Variants in SP4 observed in about 807,000 individuals in gnomAD.
SP4 encodes transcription factor Sp4.
A neutral mutation model predicts 72.8 loss-of-function variants in SP4; 19 were observed. The ratio of observed to expected loss-of-function variants is 0.26; its 90% CI spans 0.18 to 0.38. The LOEUF (loss-of-function observed/expected upper bound fraction) is 0.38, where lower values mean the gene tolerates loss of function less well. Ranked by LOEUF, SP4 falls within the 10% of genes least tolerant of loss-of-function variation. The pLI is 1.00. For synonymous variants in SP4, 395 were observed against 333.1 expected (o/e 1.19, Z -2.02); for missense variants, 1,008 against 926.3 (o/e 1.09, Z -1.14).
chr7:21,476,266 T>TC (rs1272652528), intron 3 of SP4, among the ~76,000 whole-genome samples: 3 of 94,532 alleles, frequency 3.2e-5, no homozygotes, highest in African/African-American at 1.3e-4. Flanking sequence ...AGAGCAAGAC[T>TC]CCATCTCAAA....
At chr7:21,475,733 T>C (rs1374205808) in intron 3 of SP4, among the ~76,000 whole-genome samples, 15 of 152,188 alleles carry the variant, frequency 9.9e-5, no homozygotes, top group Non-Finnish European at 2.9e-5. Flanking sequence ...AAGTGACATA[T>C]TTTATTCTTG....
rs569278029 is a variant in SP4 at position 21,457,256 on chromosome 7, A to G, written c.1679-19823A>G. ...GATTTCCTTTTTCTTGCCAACTCTT[A>G]TACTTGGTCTAGCATGAGGCCCTGA... is the stretch of plus-strand genomic sequence containing the variant. On this transcript the variant is annotated intron_variant, in intron 3 of 5. Coordinates refer to ENST00000222584, the MANE Select transcript of SP4 (RefSeq NM_003112.5). Among the ~76,000 whole-genome samples the G allele has an allele frequency of 3.9e-5, 6 of 152,304 alleles. No individual in the cohort carries two copies. In the East Asian group the frequency reaches 1.2e-3, roughly 29 times the overall value.
chr7:21,502,085 G>A (rs908163355), intron 5 of SP4, among the ~76,000 whole-genome samples: 1 of 134,468 alleles, frequency 7.4e-6, no homozygotes, highest in African/African-American at 2.9e-5. Flanking sequence ...TATATATTGG[G>A]ATCAAAAGAT....
At chr7:21,497,698 G>A (rs1562626417) in intron 5 of SP4, among the ~76,000 whole-genome samples, 1 of 152,188 alleles carries the variant, frequency 6.6e-6, no homozygotes, top group Non-Finnish European at 1.5e-5. Context: ...TCCAGGAAAT[G>A]TCTAATTCAC....
chr7:21,428,199 C>CCCCCAAA lies in SP4; in HGVS notation c.-53_-52insCCCCAAA. ...TCTCCTCCCGCCTCGCCCCCACCCC[C>CCCCCAAA]ACCCACCTCTATCCCAGTGTCTCCG... is the stretch of plus-strand genomic sequence containing the variant. On this transcript the variant is annotated 5_prime_UTR_variant, in exon 1 of 6. Coordinates refer to ENST00000222584, the MANE Select transcript of SP4 (RefSeq NM_003112.5). The CCCCCAAA allele has an allele frequency of 8.9e-7, 1 of 1,119,140 alleles. No individual in the cohort carries two copies. Among genetic ancestry groups the CCCCCAAA allele is most frequent in the Non-Finnish European group, 1.3e-6 (1 of 767,810 alleles). 69.3% of individuals were successfully genotyped at this position (1,119,140 alleles called of 1,614,324 possible).
chr7:21,469,187 T>G (rs1784254976), intron 3 of SP4, among the ~76,000 whole-genome samples: 2 of 152,160 alleles, frequency 1.3e-5, no homozygotes, highest in South Asian at 4.1e-4. Context: ...TTAAAATAAT[T>G]TGTAATATTA....
chr7:21,505,851 T>C (rs1220739984), intron 5 of SP4, among the ~76,000 whole-genome samples: 1 of 152,140 alleles, frequency 6.6e-6, no homozygotes, highest in Non-Finnish European at 1.5e-5. Flanking sequence ...TTGGAGACCT[T>C]TTCTCCCTTC....
In SP4 at chr7:21,429,993, C is replaced by A; in HGVS notation, c.828C>A (p.Ala276=). 1 of 1,614,116 alleles carries A rather than the reference C, an allele frequency of 6.2e-7. No individual in the cohort carries two copies. Among genetic ancestry groups the A allele is most frequent in the Non-Finnish European group, 8.5e-7 (1 of 1,180,010 alleles). ...TGCCAGTGATAAACAACGTGGCTGCCGGAGGAGGGACTGGGCAGGTTGGCC... is the reference window on the plus strand; with the variant it reads ...TGCCAGTGATAAACAACGTGGCTGCAGGAGGAGGGACTGGGCAGGTTGGCC... ...LALPVINNVA[A]GGGTGQVGQP... is the part of the protein sequence containing the mutation. The change falls in exon 3 of 6, where the codon GCC becomes GCA. Residue 276 remains alanine (A), a synonymous_variant. Coordinates refer to ENST00000222584, the MANE Select transcript of SP4 (RefSeq NM_003112.5).
chr7:21,487,388 G>A (rs899179269), intron 5 of SP4, among the ~76,000 whole-genome samples: 3 of 143,620 alleles, frequency 2.1e-5, no homozygotes, highest in Admixed American at 7.0e-5. Flanking sequence ...GCTCTTAGTA[G>A]ACATATTTTG....
intron 3 of SP4, among the ~76,000 whole-genome samples, chr7:21,464,190 G>T (rs915845830): frequency 1.4e-5 from 2 of 142,266 alleles, no homozygotes; most frequent in African/African-American, 5.4e-5. Context: ...ATGGCCTCCC[G>T]GGTTCATGCC....
chr7:21,477,092 A>G lies in SP4; in HGVS notation c.1692A>G (p.Gly564=), dbSNP rs1219625115. 7.4e-6 allele frequency: 12 copies of G among 1,613,530 alleles called. No individual in the cohort carries two copies. Among genetic ancestry groups the G allele is most frequent in the East Asian group, 2.2e-5 (1 of 44,886 alleles). The change falls in exon 4 of 6, where the codon GGA becomes GGG. Residue 564 remains glycine, a synonymous_variant. Coordinates refer to ENST00000222584, the MANE Select transcript of SP4 (RefSeq NM_003112.5). ...TITSVAGQQQ[G]QDGVKVQQAT... ...CTTCCTTTTTAGGTCAGCAGCAAGG[A>G]CAAGATGGAGTAAAAGTCCAGCAAG... is the stretch of plus-strand genomic sequence containing the variant.
chr7:21,498,506 G>T (rs1781781305), intron 5 of SP4, among the ~76,000 whole-genome samples: 1 of 152,164 alleles, frequency 6.6e-6, no homozygotes, highest in East Asian at 1.9e-4. Context: ...AGGAGGGACT[G>T]ATAGACTGGG....
At chr7:21,450,062 A>G (rs1298142644) in intron 3 of SP4, among the ~76,000 whole-genome samples, 1 of 152,032 alleles carries the variant, frequency 6.6e-6, no homozygotes, top group Non-Finnish European at 1.5e-5. Context: ...GACTTATTTT[A>G]TGTCCCACAT....
At chr7:21,459,632 G>C (rs545957462) in intron 3 of SP4, among the ~76,000 whole-genome samples, 1 of 152,304 alleles carries the variant, frequency 6.6e-6, no homozygotes, top group African/African-American at 2.4e-5. Context: ...AGATTATACT[G>C]TTTTTAGATG....
intron 5 of SP4, chr7:21,482,638 T>C: frequency 1.0e-6 from 1 of 984,566 alleles, no homozygotes; most frequent in Non-Finnish European, 1.2e-6. Context: ...GAACATCATG[T>C]TTACCCTTTC....
chr7:21,431,703 G>C (rs1335464604), intron 3 of SP4, among the ~76,000 whole-genome samples: 1 of 152,084 alleles, frequency 6.6e-6, no homozygotes, highest in Non-Finnish European at 1.5e-5. Flanking sequence ...CAGTCTTATT[G>C]TACCTAATAA....
intron 3 of SP4, among the ~76,000 whole-genome samples, chr7:21,474,957 CTT>C (rs1206419837): frequency 6.6e-6 from 1 of 152,174 alleles, no homozygotes; most frequent in Non-Finnish European, 1.5e-5. Flanking sequence ...GTGAGATTGA[CTT>C]TGGCTGGGAG....
At chr7:21,487,116 A>G (rs372487041) in intron 5 of SP4, among the ~76,000 whole-genome samples, 130 of 152,282 alleles carry the variant, frequency 8.5e-4, no homozygotes, top group Middle Eastern at 3.4e-3. Flanking sequence ...TCTTTGGGTT[A>G]TAATTCAATA....
At chr7:21,472,313 C>G (rs1247339604) in intron 3 of SP4, among the ~76,000 whole-genome samples, 2 of 152,074 alleles carry the variant, frequency 1.3e-5, no homozygotes, top group Admixed American at 6.6e-5. Flanking sequence ...GGGACTTTCT[C>G]TGTCACCCAG....
Sources: allele counts gnomAD v4.1 joint callset (sites outside exome capture counted in the v4.1 genomes callset), GRCh38; gene constraint gnomAD v4.1.1; transcripts MANE v1.5; gene names NCBI Gene and HGNC (gene_info 2026-07-23, HGNC 2026-07-21).